ATP10B: variants seen among roughly 807,000 people sequenced by gnomAD.
The protein encoded by ATP10B is phospholipid-transporting ATPase VB.
In ATP10B, 122 loss-of-function variants were observed where a neutral mutation model predicts 141.2. The ratio of observed to expected loss-of-function variants is 0.86; its 90% CI spans 0.75 to 1.00. ATP10B has a LOEUF of 1.00. Among genes scored for constraint, ATP10B ranks in the 50% least tolerant of loss-of-function variants. The pLI is 0.00. For missense variants in ATP10B, 1,876 were observed against 1,825.3 expected (o/e 1.03, Z -0.51); for synonymous variants, 685 against 692.0 (o/e 0.99, Z 0.16).
rs762631498 is a variant in ATP10B at position 160,598,889 on chromosome 5, A to G, written c.3445T>C (p.Phe1149Leu). ...AAGGAGGTAAAGAAGAGATTGAAGA[A>G]TATCATCTGCCAGTAATCAATCATG... ...STMIDYWQMI[F>L]FNLFFTSLPP... is the part of the protein sequence containing the mutation. Residue 1149 changes from phenylalanine (F) to leucine (L), a missense_variant, in exon 22 of 26, where the codon TTC becomes CTC. Phe to Leu is a conservative substitution (Grantham distance 22). Transcript: ENST00000327245. The G allele has an allele frequency of 4.3e-6, 7 of 1,614,110 alleles. No homozygotes were observed. The highest frequency in any genetic ancestry group is 4.2e-6 in the Non-Finnish European group (5 of 1,180,034).
chr5:160,904,975 A>T, the ATP10B span, among the ~76,000 whole-genome samples: 1 of 152,198 alleles, frequency 6.6e-6, no homozygotes, highest in South Asian at 2.1e-4. Flanking sequence ...AGAGGAGGAG[A>T]TTCTTTAAGG....
At chr5:160,886,425 A>G in the ATP10B span, among the ~76,000 whole-genome samples, 3 of 152,184 alleles carry the variant, frequency 2.0e-5, no homozygotes, top group Non-Finnish European at 4.4e-5. Context: ...GTGTGTTTTG[A>G]GGCCCTGGAT....
intron 1 of ATP10B, among the ~76,000 whole-genome samples, chr5:160,788,066 T>C (rs1771297814): frequency 6.6e-6 from 1 of 152,174 alleles, no homozygotes; most frequent in Non-Finnish European, 1.5e-5. Flanking sequence ...CCACCTGTTT[T>C]ATTTGTTACA....
chr5:160,772,132 T>A (rs565220263), intron 2 of ATP10B, among the ~76,000 whole-genome samples: 25 of 152,366 alleles, frequency 1.6e-4, no homozygotes, highest in African/African-American at 5.5e-4. Flanking sequence ...TCTTTTGGGT[T>A]AATACCCAGA....
the ATP10B span, among the ~76,000 whole-genome samples, chr5:160,864,770 T>A: frequency 6.6e-6 from 1 of 151,838 alleles, no homozygotes; most frequent in African/African-American, 2.4e-5. Flanking sequence ...CTGCTGTACA[T>A]CAACAACACA....
At chr5:160,869,369 A>G in the ATP10B span, among the ~76,000 whole-genome samples, 835 of 152,214 alleles carry the variant, frequency 5.5e-3, 9 homozygotes, top group African/African-American at 0.019. Context: ...GGTTAAAAGG[A>G]GCTAAGTATA....
At chr5:160,567,646 G>A (rs183389038) in intron 25 of ATP10B, among the ~76,000 whole-genome samples, 5 of 152,142 alleles carry the variant, frequency 3.3e-5, no homozygotes, top group African/African-American at 1.2e-4. Flanking sequence ...AAAGGGATGA[G>A]AATCAAAACC....
At chr5:160,885,056 C>T in the ATP10B span, among the ~76,000 whole-genome samples, 2 of 152,320 alleles carry the variant, frequency 1.3e-5, no homozygotes, top group East Asian at 3.9e-4. Context: ...GTTTTTATCC[C>T]TGGCTACCCT....
intron 2 of ATP10B, among the ~76,000 whole-genome samples, chr5:160,747,827 C>G (rs764549605): frequency 1.2e-4 from 19 of 152,086 alleles, no homozygotes; most frequent in Middle Eastern, 6.8e-3. Context: ...TTTTTGTTCT[C>G]ATAGCTTGCT....
At chr5:160,813,198 G>A (rs10075618) in intron 1 of ATP10B, among the ~76,000 whole-genome samples, 102 of 152,306 alleles carry the variant, frequency 6.7e-4, no homozygotes, top group African/African-American at 1.9e-3. Context: ...CGCCTCACCC[G>A]GGAAGCACAA....
At chr5:160,637,077 T>C (rs1002798790) in intron 10 of ATP10B, among the ~76,000 whole-genome samples, 24 of 38,254 alleles carry the variant, frequency 6.3e-4, no homozygotes, top group South Asian at 1.1e-3. Flanking sequence ...TCCATCCATC[T>C]TTCTATCCAT....
Position 160,620,365 on chromosome 5 carries a change from G to A in ATP10B, c.2398C>T (p.Leu800=). The A allele has an allele frequency of 6.2e-7, 1 of 1,611,386 alleles. No individual in the cohort carries two copies. The highest frequency in any genetic ancestry group is 8.5e-7 in the Non-Finnish European group (1 of 1,178,362). Residue 800 remains leucine, a synonymous_variant, in exon 15 of 26, where the codon CTG becomes TTG. Coordinates refer to ENST00000327245, the MANE Select transcript of ATP10B (RefSeq NM_025153.3). ...KGADSVIMDL[L]EDPACVPDIN... ...GACTCACCGCAGGCTGGGTCTTCCA[G>A]CAGGTCCATGATGACCGAGTCAGCA... is the stretch of plus-strand genomic sequence containing the variant.
At chr5:160,746,096 A>G (rs1199492301) in intron 2 of ATP10B, among the ~76,000 whole-genome samples, 1 of 152,214 alleles carries the variant, frequency 6.6e-6, no homozygotes, top group African/African-American at 2.4e-5. Context: ...TAGAATATGC[A>G]TTATTGATTA....
intron 1 of ATP10B, among the ~76,000 whole-genome samples, chr5:160,850,136 G>A (rs1402692068): frequency 6.6e-6 from 1 of 152,114 alleles, no homozygotes; most frequent in Non-Finnish European, 1.5e-5. Context: ...TGGGCCAGGT[G>A]CGGTGCTTAC....
At chr5:160,896,222 CACAA>C in the ATP10B span, among the ~76,000 whole-genome samples, 1 of 116,078 alleles carries the variant, frequency 8.6e-6, no homozygotes, top group African/African-American at 2.8e-5. Context: ...GAGATAGAAA[CACAA>C]ACAAAAACCC....
At chr5:160,657,172 T>C (rs1761573017) in intron 7 of ATP10B, among the ~76,000 whole-genome samples, 1 of 152,276 alleles carries the variant, frequency 6.6e-6, no homozygotes, top group African/African-American at 2.4e-5. Flanking sequence ...CACTAAAGTT[T>C]TTTTTTTCAT....
At chr5:160,901,753 A>AT in the ATP10B span, among the ~76,000 whole-genome samples, 1 of 152,208 alleles carries the variant, frequency 6.6e-6, no homozygotes, top group South Asian at 2.1e-4. Flanking sequence ...TTCATAAATG[A>AT]ATAGGTCAAC....
At chr5:160,587,961 C>T (rs1561629374) in intron 24 of ATP10B, among the ~76,000 whole-genome samples, 1 of 152,166 alleles carries the variant, frequency 6.6e-6, no homozygotes, top group Non-Finnish European at 1.5e-5. Flanking sequence ...TCTGCTTCAG[C>T]CTCCTGAGCT....
intron 1 of ATP10B, among the ~76,000 whole-genome samples, chr5:160,826,910 C>T (rs917233207): frequency 3.9e-5 from 6 of 152,148 alleles, no homozygotes; most frequent in African/African-American, 1.2e-4. Flanking sequence ...CGGTTCTCTG[C>T]TCTCAAACCC....
Sources: allele counts gnomAD v4.1 joint callset (sites outside exome capture counted in the v4.1 genomes callset), GRCh38; gene constraint gnomAD v4.1.1; transcripts MANE v1.5; gene names NCBI Gene and HGNC (gene_info 2026-07-23, HGNC 2026-07-21).